MRPL13: variants seen among roughly 807,000 people sequenced by gnomAD.
The protein encoded by MRPL13 is large ribosomal subunit protein uL13m.
A neutral mutation model predicts 29.0 loss-of-function variants in MRPL13; 33 were observed. That is an observed-to-expected ratio of 1.14 (90% CI 0.86 to 1.52). The LOEUF is 1.52. Among genes scored for constraint, MRPL13 ranks in the 40% most tolerant of loss-of-function variants. The pLI is 0.00. For synonymous variants in MRPL13, 77 were observed against 68.4 expected (o/e 1.13, Z -0.62); for missense variants, 227 against 216.7 (o/e 1.05, Z -0.30).
intron 6 of MRPL13, among the ~76,000 whole-genome samples, chr8:120,400,093 A>G (rs1367661321): frequency 6.6e-6 from 1 of 152,168 alleles, no homozygotes; most frequent in African/African-American, 2.4e-5. Flanking sequence ...GAAAATTAAC[A>G]AAGATATTCA....
At chr8:120,441,935 A>C (rs1004333593) in intron 2 of MRPL13, among the ~76,000 whole-genome samples, 1 of 152,186 alleles carries the variant, frequency 6.6e-6, no homozygotes, top group African/African-American at 2.4e-5. Context: ...ATTTAGGTGG[A>C]GAGTATAAAG....
chr8:120,403,494 G>GGGTT (rs950730668), intron 6 of MRPL13, among the ~76,000 whole-genome samples: 8 of 152,062 alleles, frequency 5.3e-5, no homozygotes, highest in African/African-American at 1.4e-4. Context: ...CTGTTAGGAG[G>GGGTT]GGTTGGGGGA....
At chr8:120,444,891 A>G in intron 1 of MRPL13, 177 bp downstream of exon 1, 1 of 537,838 alleles carries the variant, frequency 1.9e-6, no homozygotes, top group Admixed American at 2.9e-5. Flanking sequence ...CGAGTAACAG[A>G]CGAACGACAT....
At chr8:120,396,394 T>A (rs1302423956) in intron 6 of MRPL13, among the ~76,000 whole-genome samples, 1 of 152,164 alleles carries the variant, frequency 6.6e-6, no homozygotes, top group Non-Finnish European at 1.5e-5. Flanking sequence ...CTTAATAATT[T>A]GAATTCAATT....
At chr8:120,444,249 CACAG>C (rs1424571636) in intron 1 of MRPL13, among the ~76,000 whole-genome samples, 16 of 152,232 alleles carry the variant, frequency 1.1e-4, no homozygotes, top group Admixed American at 5.9e-4. Context: ...TTTATCTCAT[CACAG>C]ACAGGCAACA....
At chr8:120,439,881 A>G (rs1813098520) in intron 2 of MRPL13, among the ~76,000 whole-genome samples, 2 of 152,248 alleles carry the variant, frequency 1.3e-5, no homozygotes, top group East Asian at 3.8e-4. Flanking sequence ...TCTTAGCTCC[A>G]TAGATCCAAA....
rs527898930 is a variant in MRPL13, at chr8:120,430,216, C to T, written c.245+1814G>A. On this transcript the variant is annotated intron_variant, in intron 3 of 6. Coordinates refer to ENST00000306185, the MANE Select transcript of MRPL13 (RefSeq NM_014078.6). ...GGCGGAGGTTGCAGTGAGCCAAGAT[C>T]GTACCACTGCACTCCAGCCAGGATG... is the stretch of plus-strand genomic sequence containing the variant. 2.3e-4 allele frequency among the ~76,000 whole-genome samples: 35 copies of T among 152,140 alleles called. 2 individuals carry two copies. The South Asian group carries it at 3.5e-3, about 15-fold the overall frequency.
chr8:120,399,727 T>C (rs1184076827), intron 6 of MRPL13, among the ~76,000 whole-genome samples: 2 of 152,134 alleles, frequency 1.3e-5, no homozygotes, highest in Non-Finnish European at 2.9e-5. Flanking sequence ...GACCCATCAG[T>C]ATGCTGTCTT....
In MRPL13 at chr8:120,445,102, T is replaced by G. The variant is rs754391608; in HGVS notation, c.-8A>C. On this transcript the variant is annotated 5_prime_UTR_variant, in exon 1 of 7. Transcript: ENST00000306185. ...CCTAGAGAAACTCGACATATTCCTC[T>G]ACTAGCAGGACCGTACGTCCTTCTC... The G allele has an allele frequency of 2.5e-6, 4 of 1,613,898 alleles. No homozygotes were observed. In the Admixed American group the frequency reaches 6.7e-5, roughly 27 times the overall value.
chr8:120,396,836 AG>A (rs1283566633), intron 6 of MRPL13, among the ~76,000 whole-genome samples: 1 of 152,234 alleles, frequency 6.6e-6, no homozygotes, highest in East Asian at 1.9e-4. Context: ...AATTTTCTGA[AG>A]GAAGTTGGTA....
intron 5 of MRPL13, 166 bp from the exon 6 acceptor site, chr8:120,414,278 A>G: frequency 2.0e-6 from 1 of 509,294 alleles, no homozygotes; most frequent in East Asian, 4.3e-5. Flanking sequence ...CCAAAAGTAC[A>G]TTAGGTTAAT....
At chr8:120,397,230 C>T (rs1322076404) in intron 6 of MRPL13, among the ~76,000 whole-genome samples, 1 of 145,838 alleles carries the variant, frequency 6.9e-6, no homozygotes, top group African/African-American at 2.5e-5. Context: ...TGTGCAGAGT[C>T]TTGGCAGAGC....
intron 6 of MRPL13, among the ~76,000 whole-genome samples, chr8:120,410,712 T>G (rs1381995472): frequency 6.6e-6 from 1 of 152,048 alleles, no homozygotes; most frequent in African/African-American, 2.4e-5. Context: ...ACGTCAACAG[T>G]AGCTAATGTA....
intron 6 of MRPL13, among the ~76,000 whole-genome samples, chr8:120,406,295 G>T (rs764511069): frequency 2.1e-4 from 32 of 152,188 alleles, no homozygotes; most frequent in Admixed American, 2.0e-3. Flanking sequence ...TTAAAGTAAG[G>T]CCTGTTAAGA....
intron 3 of MRPL13, among the ~76,000 whole-genome samples, chr8:120,431,395 T>C (rs1812993968): frequency 6.6e-6 from 1 of 152,138 alleles, no homozygotes; most frequent in Admixed American, 6.6e-5. Flanking sequence ...AAACTTAAGG[T>C]CTTGCAATTG....
intron 4 of MRPL13, among the ~76,000 whole-genome samples, chr8:120,423,374 A>G (rs1192065030): frequency 6.6e-6 from 1 of 152,118 alleles, no homozygotes; most frequent in Non-Finnish European, 1.5e-5. Flanking sequence ...AGAAGATTTA[A>G]GAGCTAACAC....
At chr8:120,408,869 C>T (rs1157502019) in intron 6 of MRPL13, among the ~76,000 whole-genome samples, 1 of 152,198 alleles carries the variant, frequency 6.6e-6, no homozygotes, top group African/African-American at 2.4e-5. Context: ...GTGCTCTCTT[C>T]TAGAGCTATA....
At chr8:120,399,635 C>T (rs1363911685) in intron 6 of MRPL13, among the ~76,000 whole-genome samples, 1 of 152,102 alleles carries the variant, frequency 6.6e-6, no homozygotes, top group African/African-American at 2.4e-5. Flanking sequence ...CAAATTCATA[C>T]ATAACAATAT....
At chr8:120,408,193 A>G (rs777602186) in intron 6 of MRPL13, among the ~76,000 whole-genome samples, 2 of 152,182 alleles carry the variant, frequency 1.3e-5, no homozygotes, top group Non-Finnish European at 2.9e-5. Context: ...CTTCCCTTTC[A>G]GATCCAGACC....
Sources: allele counts gnomAD v4.1 joint callset (sites outside exome capture counted in the v4.1 genomes callset), GRCh38; gene constraint gnomAD v4.1.1; transcripts MANE v1.5; gene names NCBI Gene and HGNC (gene_info 2026-07-23, HGNC 2026-07-21).